Variants in PRKD1 observed in about 807,000 individuals in gnomAD.
PRKD1 encodes the protein serine/threonine-protein kinase D1.
A neutral mutation model predicts 95.9 loss-of-function variants in PRKD1; 63 were observed. That is an observed-to-expected ratio of 0.66 (90% CI 0.54 to 0.81). PRKD1 has a LOEUF of 0.81. Among genes scored for constraint, PRKD1 ranks in the 30% least tolerant of loss-of-function variants. The pLI, the probability that PRKD1 is intolerant of heterozygous loss-of-function variation, is 0.00. For synonymous variants in PRKD1, 425 were observed against 423.1 expected, an observed-to-expected ratio of 1.00 and a Z score of -0.05; for missense variants, 1,048 against 1,165.3, an observed-to-expected ratio of 0.90 and a Z score of 1.47.
chr14:29,768,756 C>T (rs1888375125), intron 1 of PRKD1, among the ~76,000 whole-genome samples: 1 of 151,540 alleles, frequency 6.6e-6, no homozygotes, highest in Non-Finnish European at 1.5e-5. Context: ...ATTCTGCTTT[C>T]TCTTTGTCAT....
In PRKD1 at chr14:29,636,482, G is replaced by C. The variant is rs781545789; in HGVS notation, c.998C>G (p.Pro333Arg). The C allele has an allele frequency of 5.6e-6, 9 of 1,613,908 alleles. No homozygotes were observed. The South Asian group carries it at 7.7e-5, about 14-fold the overall frequency. ...CATGACCACATCAGACTCTGCCCCA[G>C]GGCTAAGCAAATCTAGAAAATTATT... The part of the protein sequence containing the change: ...EVTINGDLLS[P>R]GAESDVVMEE... The change falls in exon 7 of 18, where the codon CCT (proline) becomes CGT (arginine). Residue 333 changes from proline (P) to arginine (R), a missense_variant. Pro to Arg is a moderately radical substitution (Grantham distance 103). Around this residue, in one of 3 missense-constraint regions of PRKD1, gnomAD observed 739 missense variants for 861.9 expected, o/e 0.86. Transcript: ENST00000331968.
At chr14:29,794,032 A>G (rs1260322212) in intron 1 of PRKD1, among the ~76,000 whole-genome samples, 1 of 152,098 alleles carries the variant, frequency 6.6e-6, no homozygotes, top group Non-Finnish European at 1.5e-5. Context: ...TCTGCTGTGC[A>G]CAATGATTAA....
At chr14:29,779,861 G>A (rs1213047036) in intron 1 of PRKD1, among the ~76,000 whole-genome samples, 1 of 152,158 alleles carries the variant, frequency 6.6e-6, no homozygotes, top group Non-Finnish European at 1.5e-5. Context: ...CAAAGCTGGA[G>A]GCATCATGCT....
chr14:29,868,967 AG>A (rs1336860121), intron 1 of PRKD1, among the ~76,000 whole-genome samples: 1 of 152,208 alleles, frequency 6.6e-6, no homozygotes, highest in East Asian at 1.9e-4. Flanking sequence ...TAGCAAAAAA[AG>A]AACTCAAAAG....
chr14:29,634,593 G>T, intron 7 of PRKD1, 52 bp from the exon 8 acceptor site: 2 of 1,603,682 alleles, frequency 1.2e-6, no homozygotes, highest in Non-Finnish European at 1.7e-6. Flanking sequence ...TACATTTTAT[G>T]TATTTTCATG....
At chr14:29,765,786 C>T (rs139920099) in intron 1 of PRKD1, among the ~76,000 whole-genome samples, 148 of 152,152 alleles carry the variant, frequency 9.7e-4, no homozygotes, top group African/African-American at 3.4e-3. Flanking sequence ...ATCTACAGTA[C>T]GATTCCTTTT....
chr14:29,688,171 C>A (rs1165788380), intron 2 of PRKD1, among the ~76,000 whole-genome samples: 2 of 152,148 alleles, frequency 1.3e-5, no homozygotes, highest in East Asian at 3.9e-4. Flanking sequence ...AACGTTAGGC[C>A]AATCCCTTTC....
chr14:29,837,522 A>G (rs1024917333), intron 1 of PRKD1, among the ~76,000 whole-genome samples: 2 of 152,184 alleles, frequency 1.3e-5, no homozygotes, highest in African/African-American at 4.8e-5. Context: ...GAGTAACTAA[A>G]AACCTACTTT....
chr14:29,784,864 A>G (rs1889197432), intron 1 of PRKD1, among the ~76,000 whole-genome samples: 1 of 152,230 alleles, frequency 6.6e-6, no homozygotes, highest in Non-Finnish European at 1.5e-5. Context: ...TATAACTCTG[A>G]TTGAAAAGAG....
At chr14:29,704,506 A>G (rs1240844297) in intron 2 of PRKD1, among the ~76,000 whole-genome samples, 4 of 152,152 alleles carry the variant, frequency 2.6e-5, no homozygotes, top group African/African-American at 9.6e-5. Flanking sequence ...ACTCTAAGGA[A>G]TCCTTCAAAA....
At chr14:29,783,457 G>A (rs1201581132) in intron 1 of PRKD1, among the ~76,000 whole-genome samples, 1 of 152,142 alleles carries the variant, frequency 6.6e-6, no homozygotes, top group Non-Finnish European at 1.5e-5. Context: ...TGATAAAAAT[G>A]GGATGCAGAT....
At chr14:29,747,439 C>T (rs1555340991) in intron 1 of PRKD1, among the ~76,000 whole-genome samples, 4 of 152,080 alleles carry the variant, frequency 2.6e-5, no homozygotes, top group Non-Finnish European at 5.9e-5. Flanking sequence ...CCAGCAACTC[C>T]ACTCCTAGGT....
At chr14:29,893,400 GT>G (rs59854349) in intron 1 of PRKD1, among the ~76,000 whole-genome samples, 62,267 of 150,734 alleles carry the variant, frequency 0.41, 13,365 homozygotes, top group African/African-American at 0.53. Context: ...ATAGAAAGAG[GT>G]TTTTTTTTGG....
In PRKD1 at chr14:29,676,178, TTTTTG is replaced by T. The variant is rs1405435278; in HGVS notation, c.404-9975_404-9971del. The stretch of plus-strand genomic sequence containing the variant: ...CTGTAGGCATGCATAGTTCATTACG[TTTTTG>T]TTTTTTTTTTTTTTTTTTTTGCTGA... On this transcript the variant is annotated intron_variant, in intron 2 of 17. Coordinates refer to ENST00000331968, the MANE Select transcript of PRKD1 (RefSeq NM_002742.3). 2.4e-3 allele frequency among the ~76,000 whole-genome samples: 157 copies of T among 64,658 alleles called. 4 individuals are homozygous for T. Among genetic ancestry groups the T allele is most frequent in the African/African-American group, 7.4e-3 (85 of 11,424 alleles). The allele number at this position is 64,658 out of a possible 152,430, so 42.4% of individuals were successfully genotyped here.
chr14:29,654,913 CT>C (rs2139187739), intron 4 of PRKD1, among the ~76,000 whole-genome samples: 1 of 152,310 alleles, frequency 6.6e-6, no homozygotes, highest in South Asian at 2.1e-4. Context: ...AGTCTGTTAT[CT>C]TTTTGACAAA....
chr14:29,624,332 G>A, intron 12 of PRKD1, 74 bp from the exon 13 acceptor site: 4 of 1,050,398 alleles, frequency 3.8e-6, no homozygotes, highest in South Asian at 1.8e-5. Context: ...AAATTTGCAA[G>A]GACATTTAAA....
At chr14:29,795,306 T>A (rs1050967095) in intron 1 of PRKD1, among the ~76,000 whole-genome samples, 24 of 152,078 alleles carry the variant, frequency 1.6e-4, no homozygotes. Flanking sequence ...TATACACCTA[T>A]TTAATTACAT....
chr14:29,649,748 C>T (rs904648965), intron 4 of PRKD1, among the ~76,000 whole-genome samples: 8 of 152,104 alleles, frequency 5.3e-5, no homozygotes, highest in African/African-American at 1.9e-4. Context: ...GTTAACTTGA[C>T]TTTTTGATTT....
intron 1 of PRKD1, among the ~76,000 whole-genome samples, chr14:29,843,250 A>G (rs534710878): frequency 4.3e-4 from 65 of 152,318 alleles, no homozygotes; most frequent in African/African-American, 1.4e-3. Flanking sequence ...ATGGCTATCT[A>G]CAAACCAAAG....
Sources: allele counts gnomAD v4.1 joint callset (sites outside exome capture counted in the v4.1 genomes callset), GRCh38; gene constraint gnomAD v4.1.1; regional missense constraint gnomAD v4.1.1; transcripts MANE v1.5; gene names NCBI Gene and HGNC (gene_info 2026-07-23, HGNC 2026-07-21).